The following FSTL5 variants were observed in gnomAD, a reference collection of about 807,000 sequenced individuals.
FSTL5 encodes follistatin like 5, also known as follistatin-related protein 5.
In FSTL5, 62 loss-of-function variants were observed where a neutral mutation model predicts 89.1. The ratio of observed to expected loss-of-function variants is 0.70; its 90% confidence interval spans 0.57 to 0.86. FSTL5 has a LOEUF of 0.86. FSTL5 is among the 40% of genes least tolerant of loss of function. FSTL5 has a pLI of 0.00. For missense variants in FSTL5, 1,057 were observed against 1,001.6 expected, an observed-to-expected ratio of 1.06 and a Z score of -0.75; for synonymous variants, 383 against 346.2, an observed-to-expected ratio of 1.11 and a Z score of -1.18.
intron 8 of FSTL5, 61 bp from the exon 9 acceptor site, chr4:161,542,754 A>G: frequency 1.7e-6 from 2 of 1,155,606 alleles, no homozygotes; most frequent in African/African-American, 1.6e-5. Context: ...TTAATTTTCC[A>G]AAAGAAAAAT....
At chr4:162,088,277 C>T (rs1730401476) in intron 2 of FSTL5, among the ~76,000 whole-genome samples, 1 of 151,728 alleles carries the variant, frequency 6.6e-6, no homozygotes, top group Non-Finnish European at 1.5e-5. Context: ...ATTAGGTTAC[C>T]TGTGTGCCCC....
rs1732111412 is a variant in FSTL5 at position 161,424,680 on chromosome 4, T to C, written c.1841+30324A>G. Among the ~76,000 whole-genome samples, 3 of 152,166 alleles carry C rather than the reference T, an allele frequency of 2.0e-5. No homozygotes were observed. The South Asian group carries it at 6.2e-4, about 32-fold the overall frequency. ...TTTGCAAATAACCAGACTCAAAATGTAGAGACTGGAAATGTTAAAGAATTC... is the reference window on the plus strand; with the variant it reads ...TTTGCAAATAACCAGACTCAAAATGCAGAGACTGGAAATGTTAAAGAATTC... On this transcript the variant is annotated intron_variant, in intron 15 of 15. Coordinates refer to ENST00000306100, the MANE Select transcript of FSTL5 (RefSeq NM_020116.5).
intron 4 of FSTL5, among the ~76,000 whole-genome samples, chr4:161,890,477 C>G (rs1732950362): frequency 1.3e-5 from 2 of 151,974 alleles, no homozygotes; most frequent in African/African-American, 4.8e-5. Context: ...ATCACGAGGT[C>G]AGGAGTTTGA....
chr4:161,864,801 G>C (rs1294566524), intron 4 of FSTL5, among the ~76,000 whole-genome samples: 2 of 147,152 alleles, frequency 1.4e-5, no homozygotes, highest in African/African-American at 5.0e-5. Context: ...GAACCCGGGA[G>C]GTAGAGGTTG....
chr4:161,423,255 TA>T (rs1197259065), intron 15 of FSTL5, among the ~76,000 whole-genome samples: 2 of 152,208 alleles, frequency 1.3e-5, no homozygotes, highest in East Asian at 3.8e-4. Context: ...GAGTTTAGTA[TA>T]AAATATTATG....
intron 4 of FSTL5, among the ~76,000 whole-genome samples, chr4:161,885,612 A>AT (rs1381995083): frequency 5.9e-5 from 9 of 151,918 alleles, no homozygotes; most frequent in Admixed American, 4.6e-4. Flanking sequence ...TGCCCAGCTA[A>AT]TTTTTTGTAT....
intron 3 of FSTL5, among the ~76,000 whole-genome samples, chr4:161,945,172 C>T (rs1037265063): frequency 6.6e-6 from 1 of 152,114 alleles, no homozygotes; most frequent in African/African-American, 2.4e-5. Flanking sequence ...AAAACTTCTT[C>T]CTCCTGCTCT....
chr4:162,105,291 C>A (rs1731178247), intron 2 of FSTL5, among the ~76,000 whole-genome samples: 1 of 152,136 alleles, frequency 6.6e-6, no homozygotes, highest in Non-Finnish European at 1.5e-5. Context: ...TTAATTATAG[C>A]CTCCATACTG....
intron 8 of FSTL5, among the ~76,000 whole-genome samples, chr4:161,553,742 A>G (rs937518094): frequency 2.0e-5 from 3 of 151,598 alleles, no homozygotes; most frequent in Non-Finnish European, 4.4e-5. Context: ...GCTATAATGT[A>G]TAAGGCATAT....
At chr4:161,676,702 A>C (rs941517341) in intron 6 of FSTL5, among the ~76,000 whole-genome samples, 1 of 151,810 alleles carries the variant, frequency 6.6e-6, no homozygotes, top group Non-Finnish European at 1.5e-5. Context: ...TCCTAAAAAA[A>C]CAAACTTACA....
intron 2 of FSTL5, among the ~76,000 whole-genome samples, chr4:162,092,012 T>C (rs1730569644): frequency 6.6e-6 from 1 of 151,718 alleles, no homozygotes; most frequent in Non-Finnish European, 1.5e-5. Flanking sequence ...ATATTACATA[T>C]AGAATTTGTA....
intron 2 of FSTL5, among the ~76,000 whole-genome samples, chr4:162,087,056 G>C (rs1409697133): frequency 6.6e-6 from 1 of 151,984 alleles, no homozygotes; most frequent in African/African-American, 2.4e-5. Flanking sequence ...AATCCATAAA[G>C]AAATGCAAGC....
intron 6 of FSTL5, among the ~76,000 whole-genome samples, chr4:161,758,138 A>T (rs1312154018): frequency 6.6e-6 from 1 of 152,212 alleles, no homozygotes; most frequent in Non-Finnish European, 1.5e-5. Context: ...TATCACATAA[A>T]ATATAATACA....
At chr4:161,728,493 G>A (rs1739498190) in intron 6 of FSTL5, among the ~76,000 whole-genome samples, 1 of 152,070 alleles carries the variant, frequency 6.6e-6, no homozygotes, top group Admixed American at 6.5e-5. Flanking sequence ...TGACAGCATA[G>A]AGTGATGATG....
intron 1 of FSTL5, among the ~76,000 whole-genome samples, chr4:162,135,186 A>G (rs992159938): frequency 4.6e-5 from 7 of 152,100 alleles, no homozygotes; most frequent in African/African-American, 1.7e-4. Context: ...TCTCATTGTT[A>G]TTATTTGTTT....
intron 7 of FSTL5, among the ~76,000 whole-genome samples, chr4:161,655,787 T>TC (rs201087878): frequency 4.0e-3 from 602 of 152,272 alleles, no homozygotes; most frequent in African/African-American, 0.014. Flanking sequence ...TAGGATATTT[T>TC]CATATAAACA....
intron 3 of FSTL5, among the ~76,000 whole-genome samples, chr4:161,926,519 G>A (rs1409058593): frequency 6.6e-6 from 1 of 150,900 alleles, no homozygotes; most frequent in Non-Finnish European, 1.5e-5. Context: ...TCATGTTAAT[G>A]AATGTTTGCT....
At chr4:161,753,607 T>C (rs1378554440) in intron 6 of FSTL5, among the ~76,000 whole-genome samples, 2 of 152,222 alleles carry the variant, frequency 1.3e-5, no homozygotes, top group African/African-American at 4.8e-5. Flanking sequence ...CTAATATCTA[T>C]GAATGCTAAT....
intron 15 of FSTL5, among the ~76,000 whole-genome samples, chr4:161,425,894 T>C (rs1362512089): frequency 6.6e-6 from 1 of 152,050 alleles, no homozygotes; most frequent in East Asian, 1.9e-4. Context: ...CAACCGCTTC[T>C]CTCTCAAGAG....
Sources: gnomAD v4.1 joint callset for allele counts (sites outside exome capture counted in the v4.1 genomes callset) on GRCh38, gnomAD v4.1.1 for gene constraint, MANE v1.5 for transcripts, NCBI Gene and HGNC (gene_info 2026-07-23, HGNC 2026-07-21) for gene names.